Variants in RNF151 observed in about 807,000 individuals in gnomAD.
RNF151 encodes ring finger protein 151.
A neutral mutation model predicts 11.1 loss-of-function variants in RNF151; 9 were observed. The observed-to-expected ratio is 0.81, with a 90% confidence interval of 0.49 to 1.42. RNF151 has a LOEUF of 1.42. Among genes scored for constraint, RNF151 ranks in the 40% most tolerant of loss-of-function variants. The probability of loss-of-function intolerance (pLI) is 0.00; values close to 1 mark genes in which losing one functional copy is unlikely to be tolerated. For missense variants in RNF151, 372 were observed against 342.9 expected (o/e 1.08, Z -0.67); for synonymous variants, 172 against 140.7 (o/e 1.22, Z -1.58).
chr16:1,966,889 G>A lies in RNF151; in HGVS notation c.3+5G>A. 2 of 1,574,420 alleles carry A rather than the reference G, an allele frequency of 1.3e-6. No individual in the cohort carries two copies. The highest frequency in any genetic ancestry group is 2.3e-5 in the East Asian group (1 of 44,338). ...GCTGTCTAGACGCAGATCATGGTGA[G>A]CCTGGGGCCCTCTTGCTTCCAGCCC... On this transcript the variant is annotated splice_donor_5th_base_variant and intron_variant, in intron 1 of 3. Coordinates refer to ENST00000569714, the MANE Select transcript of RNF151 (RefSeq NM_174903.6).
chr16:1,967,244 C>T (rs1221094583), intron 1 of RNF151, 30 bp from the exon 2 acceptor site: 2 of 1,603,404 alleles, frequency 1.2e-6, no homozygotes, highest in Admixed American at 1.7e-5. Context: ...ATCACTGTCC[C>T]AGCCAGGTGC....
chr16:1,967,670 G>C (rs936679477), intron 2 of RNF151, 55 bp from the exon 3 acceptor site: 30 of 1,424,862 alleles, frequency 2.1e-5, no homozygotes, highest in Non-Finnish European at 2.7e-5. Context: ...GTGAGGGCTT[G>C]ACCAGGGCTC....
In RNF151 at chr16:1,968,875, G is replaced by T. The variant is rs775278277; in HGVS notation, c.688G>T (p.Val230Phe). ...EEAEAAPEGN[V>F]GAEVVGEPRA... ...GGCCGAGGCTGCCCCAGAAGGCAACGTTGGGGCTGAGGTGGTGGGGGAGCC... is the reference window on the plus strand; with the variant it reads ...GGCCGAGGCTGCCCCAGAAGGCAACTTTGGGGCTGAGGTGGTGGGGGAGCC... The change falls in exon 4 of 4, where the codon GTT (valine) becomes TTT (phenylalanine). Residue 230 changes from valine (V) to phenylalanine (F), a missense_variant. Transcript: ENST00000569714. 4 of 1,600,850 alleles carry T rather than the reference G, an allele frequency of 2.5e-6. No individual in the cohort carries two copies. Among genetic ancestry groups the T allele is most frequent in the Non-Finnish European group, 8.5e-7 (1 of 1,174,478 alleles).
chr16:1,967,696 C>G, intron 2 of RNF151, 29 bp from the exon 3 acceptor site: 1 of 1,563,116 alleles, frequency 6.4e-7, no homozygotes, highest in Non-Finnish European at 8.7e-7. Context: ...CCACTCCCAA[C>G]ACTCACCCCT....
chr16:1,968,562 G>A lies in RNF151; in HGVS notation c.375G>A (p.Gly125=), dbSNP rs2083332706. Residue 125 remains glycine (G), a synonymous_variant, in exon 4 of 4, where the codon GGG becomes GGA. Transcript: ENST00000569714. ...GCTGCACCTCGCAGGTGCCGCGTGG[G>A]ACCCTGGCAGAGCACCGGCAGCATT... ...NEGCTSQVPR[G]TLAEHRQHCQ... The A allele has an allele frequency of 1.9e-6, 3 of 1,606,920 alleles. No individual in the cohort carries two copies. Among genetic ancestry groups the A allele is most frequent in the East Asian group, 2.2e-5 (1 of 44,466 alleles).
chr16:1,967,614 C>A, intron 2 of RNF151, 111 bp from the exon 3 acceptor site: 2 of 990,648 alleles, frequency 2.0e-6, no homozygotes, highest in African/African-American at 1.6e-5. Context: ...CTGTAATATG[C>A]CCTAATGCCT....
rs1217394104 is a variant in RNF151 at position 1,967,736 on chromosome 16, G to A, written c.161G>A (p.Cys54Tyr). 1 of 1,610,476 alleles carries A rather than the reference G, an allele frequency of 6.2e-7. No individual in the cohort carries two copies. The highest frequency in any genetic ancestry group is 1.3e-5 in the African/African-American group (1 of 74,980). Residue 54 changes from cysteine to tyrosine, a missense_variant, in exon 3 of 4, where the codon TGT (cysteine) becomes TAT (tyrosine). Physicochemically the swap from Cys to Tyr is radical, Grantham distance 194. Transcript: ENST00000569714. ...ILRWLARQKT[C>Y]PCCRKEVKRK... is the part of the protein sequence containing the mutation. The stretch of plus-strand genomic sequence containing the variant: ...ATGCCTCCTTCCAGACAAAAGACCT[G>A]TCCGTGCTGTAGGAAAGAGGTGAAA...
Position 1,968,812 on chromosome 16 carries a change from G to A in RNF151, c.625G>A (p.Glu209Lys), listed in dbSNP as rs2083336157. 6.3e-7 allele frequency: 1 copy of A among 1,593,702 alleles called. No individual in the cohort carries two copies. Among genetic ancestry groups the A allele is most frequent in the Admixed American group, 1.7e-5 (1 of 57,214 alleles). ...ELAELSNFLE[E>K]DTALLEGAPQ... ...GGCGGAGCTCAGCAACTTCCTGGAG[G>A]AAGACACCGCTCTGCTGGAGGGTGC... is the stretch of plus-strand genomic sequence containing the variant. Residue 209 changes from glutamate to lysine, a missense_variant, in exon 4 of 4, where the codon GAA becomes AAA. Glu to Lys is a moderately conservative substitution (Grantham distance 56, BLOSUM62 1). Coordinates refer to ENST00000569714, the MANE Select transcript of RNF151 (RefSeq NM_174903.6).
chr16:1,967,480 G>A (rs2083322106), intron 2 of RNF151, 61 bp downstream of exon 2: 17 of 1,474,636 alleles, frequency 1.2e-5, no homozygotes, highest in Non-Finnish European at 1.6e-5. Flanking sequence ...CATTGCTGTG[G>A]CCCAGAACAG....
Position 1,966,860 on chromosome 16 carries a change from A to G in RNF151, c.-22A>G, listed in dbSNP as rs13332256. On this transcript the variant is annotated 5_prime_UTR_variant, in exon 1 of 4. Transcript: ENST00000569714. ...GCTCCTGAGCTCTGGGGGCCTGTGG[A>G]GCTGCTGTCTAGACGCAGATCATGG... 1,582 of 1,553,642 alleles carry G rather than the reference A, an allele frequency of 1.0e-3. 13 individuals are homozygous for G. The African/African-American group carries it at 0.019, about 19-fold the overall frequency.
Position 1,968,686 on chromosome 16 carries a change from G to T in RNF151, c.499G>T (p.Ala167Ser), listed in dbSNP as rs371841441. The change falls in exon 4 of 4, where the codon GCC (alanine) becomes TCC (serine). Residue 167 changes from alanine (A) to serine (S), a missense_variant. Ala to Ser is a moderately conservative substitution (Grantham distance 99). Coordinates refer to ENST00000569714, the MANE Select transcript of RNF151 (RefSeq NM_174903.6). Reference sequence around the variant, plus strand: ...CAACTGCTACCGGGAGCTGCACAACGCCTGGAGCGTGCGCCAGGAGCGCCG... The same window carrying T: ...CAACTGCTACCGGGAGCTGCACAACTCCTGGAGCGTGCGCCAGGAGCGCCG... ...RHNCYRELHN[A>S]WSVRQERRRP... 12 of 1,567,088 alleles carry T rather than the reference G, an allele frequency of 7.7e-6. No individual in the cohort carries two copies. The highest frequency in any genetic ancestry group is 1.0e-5 in the Non-Finnish European group (12 of 1,157,008).
At chr16:1,967,161 T>G in intron 1 of RNF151, 113 bp from the exon 2 acceptor site, 1 of 1,400,166 alleles carries the variant, frequency 7.1e-7, no homozygotes, top group Non-Finnish European at 9.7e-7. Context: ...CCCCTTTACT[T>G]GAAGTTCTGT....
Position 1,967,802 on chromosome 16 carries a change from T to C in RNF151, c.227T>C (p.Ile76Thr), listed in dbSNP as rs748370617. ...VVHMNKLRKTIGRLEVKCKNA... is the reference protein window; with the variant it reads ...VVHMNKLRKTTGRLEVKCKNA... ...CACATGAATAAACTCCGGAAAACCATTGGCCGCCTGGAAGTCAAGGTAGCT... is the reference window on the plus strand; with the variant it reads ...CACATGAATAAACTCCGGAAAACCACTGGCCGCCTGGAAGTCAAGGTAGCT... Residue 76 changes from isoleucine to threonine, a missense_variant, in exon 3 of 4, where the codon ATT (isoleucine) becomes ACT (threonine). Transcript: ENST00000569714. The C allele has an allele frequency of 3.4e-5, 54 of 1,609,768 alleles. No individual in the cohort carries two copies. Among genetic ancestry groups the C allele is most frequent in the East Asian group, 4.5e-5 (2 of 44,800 alleles).
rs62038784 is a variant in RNF151, at chr16:1,968,579, G to A, written c.392G>A (p.Arg131Gln). 0.016 allele frequency: 25,355 copies of A among 1,599,842 alleles called. 545 individuals are homozygous for A. Among genetic ancestry groups the A allele is most frequent in the African/African-American group, 0.095 (7,099 of 74,550 alleles). Residue 131 changes from arginine (R) to glutamine (Q), a missense_variant, in exon 4 of 4, where the codon CGG (arginine) becomes CAG (glutamine). By Grantham distance (43) the Arg-to-Gln change is conservative. Transcript: ENST00000569714. ...CCGCGTGGGACCCTGGCAGAGCACC[G>A]GCAGCATTGCCAGCAAGGGTCCCAG... ...QVPRGTLAEHRQHCQQGSQQR... is the reference protein window; with the variant it reads ...QVPRGTLAEHQQHCQQGSQQR...
Position 1,968,565 on chromosome 16 carries a change from C to G in RNF151, c.378C>G (p.Thr126=). The change falls in exon 4 of 4, where the codon ACC becomes ACG. Residue 126 remains threonine (T), a synonymous_variant. Transcript: ENST00000569714. Reference sequence around the variant, plus strand: ...GCACCTCGCAGGTGCCGCGTGGGACCCTGGCAGAGCACCGGCAGCATTGCC... The same window carrying G: ...GCACCTCGCAGGTGCCGCGTGGGACGCTGGCAGAGCACCGGCAGCATTGCC... ...EGCTSQVPRG[T]LAEHRQHCQQ... 1 of 1,606,318 alleles carries G rather than the reference C, an allele frequency of 6.2e-7. No homozygotes were observed. The highest frequency in any genetic ancestry group is 8.5e-7 in the Non-Finnish European group (1 of 1,177,208).
chr16:1,968,608 C>A lies in RNF151; in HGVS notation c.421C>A (p.Arg141Ser). The A allele has an allele frequency of 1.9e-6, 3 of 1,579,262 alleles. No homozygotes were observed. The highest frequency in any genetic ancestry group is 2.6e-6 in the Non-Finnish European group (3 of 1,163,820). ...RQHCQQGSQQ[R>S]CPLGCGATLD... Reference sequence around the variant, plus strand: ...GCATTGCCAGCAAGGGTCCCAGCAGCGCTGCCCCCTGGGCTGCGGGGCCAC... The same window carrying A: ...GCATTGCCAGCAAGGGTCCCAGCAGAGCTGCCCCCTGGGCTGCGGGGCCAC... Residue 141 changes from arginine (R) to serine (S), a missense_variant, in exon 4 of 4, where the codon CGC (arginine) becomes AGC (serine). By Grantham distance (110) the Arg-to-Ser change is moderately radical (BLOSUM62 -1). Coordinates refer to ENST00000569714, the MANE Select transcript of RNF151 (RefSeq NM_174903.6).
chr16:1,968,583 G>C lies in RNF151; in HGVS notation c.396G>C (p.Gln132His). 6.3e-7 allele frequency: 1 copy of C among 1,596,880 alleles called. No homozygotes were observed. Among genetic ancestry groups the C allele is most frequent in the Non-Finnish European group, 8.5e-7 (1 of 1,172,676 alleles). Reference sequence around the variant, plus strand: ...GTGGGACCCTGGCAGAGCACCGGCAGCATTGCCAGCAAGGGTCCCAGCAGC... The same window carrying C: ...GTGGGACCCTGGCAGAGCACCGGCACCATTGCCAGCAAGGGTCCCAGCAGC... ...VPRGTLAEHR[Q>H]HCQQGSQQRC... Residue 132 changes from glutamine to histidine, a missense_variant, in exon 4 of 4, where the codon CAG becomes CAC. Gln to His is a conservative substitution (Grantham distance 24). Transcript: ENST00000569714.
chr16:1,968,029 C>T (rs2083326929), intron 3 of RNF151: 1 of 701,804 alleles, frequency 1.4e-6, no homozygotes, highest in South Asian at 1.5e-5. Context: ...TTCCAAGCCC[C>T]TGGGTTAGAA....
chr16:1,968,614 C>A lies in RNF151; in HGVS notation c.427C>A (p.Pro143Thr), dbSNP rs370534093. 223 of 1,575,598 alleles carry A rather than the reference C, an allele frequency of 1.4e-4. 1 individual carries two copies. In the African/African-American group the frequency reaches 2.5e-3, roughly 18 times the overall value. ...CCAGCAAGGGTCCCAGCAGCGCTGC[C>A]CCCTGGGCTGCGGGGCCACCCTGGA... is the stretch of plus-strand genomic sequence containing the variant. ...HCQQGSQQRC[P>T]LGCGATLDPA... Residue 143 changes from proline to threonine, a missense_variant, in exon 4 of 4, where the codon CCC becomes ACC. Coordinates refer to ENST00000569714, the MANE Select transcript of RNF151 (RefSeq NM_174903.6).
Sources: gnomAD v4.1 joint callset for allele counts on GRCh38, gnomAD v4.1.1 for gene constraint, MANE v1.5 for transcripts, NCBI Gene and HGNC (gene_info 2026-07-23, HGNC 2026-07-21) for gene names.